Variants in ANAPC10 observed in about 807,000 individuals in gnomAD.
ANAPC10 encodes the protein anaphase promoting complex subunit 10.
A neutral mutation model predicts 22.0 loss-of-function variants in ANAPC10; 12 were observed. The ratio of observed to expected loss-of-function variants is 0.55; its 90% confidence interval spans 0.35 to 0.88. The LOEUF is 0.88. ANAPC10 is among the 40% of genes least tolerant of loss of function. The pLI, the probability that ANAPC10 is intolerant of heterozygous loss-of-function variation, is 0.01. For synonymous variants in ANAPC10, 65 were observed against 69.5 expected, an observed-to-expected ratio of 0.94 and a Z score of 0.32; for missense variants, 188 against 220.9, an observed-to-expected ratio of 0.85 and a Z score of 0.94.
At chr4:145,086,929 T>C in intron 2 of ANAPC10, among the ~76,000 whole-genome samples, 1 of 151,916 alleles carries the variant, frequency 6.6e-6, no homozygotes, top group South Asian at 2.1e-4. Flanking sequence ...TTCATGCTTC[T>C]CTCCCCACTC....
At chr4:145,022,809 A>G (rs1000231196) in intron 4 of ANAPC10, among the ~76,000 whole-genome samples, 8 of 151,962 alleles carry the variant, frequency 5.3e-5, no homozygotes, top group Non-Finnish European at 7.4e-5. Context: ...AAAAAAAAAA[A>G]AAAATTAAAA....
chr4:145,062,868 G>A (rs975965569), intron 4 of ANAPC10, among the ~76,000 whole-genome samples: 2 of 152,142 alleles, frequency 1.3e-5, no homozygotes, highest in East Asian at 1.9e-4. Context: ...TTGCAGCAGC[G>A]TGGATGGAAC....
chr4:145,008,991 T>A (rs951210946), intron 4 of ANAPC10, among the ~76,000 whole-genome samples: 6 of 152,058 alleles, frequency 3.9e-5, no homozygotes, highest in Middle Eastern at 3.4e-3. Flanking sequence ...TTCAGCAGAG[T>A]CTCAGGATAC....
Position 144,995,603 on chromosome 4 carries a change from GCTGCC to G in ANAPC10, c.328-5_328-1del, listed in dbSNP as rs1420463732. On this transcript the variant is annotated splice_acceptor_variant and splice_polypyrimidine_tract_variant and intron_variant, in intron 4 of 4. Coordinates refer to ENST00000507656, the MANE Select transcript of ANAPC10 (RefSeq NM_001256706.2). LOFTEE classifies it high-confidence loss of function. Reference sequence around the variant, plus strand: ...CCACTTGGTTCCACCAACTCAAGTTGCTGCCAAGGGAAAAAAAATCAGATTATGCT... The same window carrying G: ...CCACTTGGTTCCACCAACTCAAGTTGAAGGGAAAAAAAATCAGATTATGCT... The G allele has an allele frequency of 6.3e-7, 1 of 1,595,934 alleles. No homozygotes were observed. The highest frequency in any genetic ancestry group is 1.1e-5 in the South Asian group (1 of 87,376).
At chr4:145,064,865 G>A (rs1279195260) in intron 3 of ANAPC10, among the ~76,000 whole-genome samples, 173 bp from the exon 4 acceptor site, 2 of 151,846 alleles carry the variant, frequency 1.3e-5, no homozygotes, top group Admixed American at 6.6e-5. Flanking sequence ...GGTCCAGATA[G>A]TATGTTAAAT....
intron 4 of ANAPC10, among the ~76,000 whole-genome samples, chr4:145,004,242 G>C (rs1304033643): frequency 6.6e-6 from 1 of 152,098 alleles, no homozygotes; most frequent in Non-Finnish European, 1.5e-5. Context: ...CTTTGGGGCA[G>C]AGTAACTATG....
rs571149256 is a variant in ANAPC10 at position 145,094,634 on chromosome 4, A to G, written c.115+1351T>C. ...ATGACTACTAAACTAATAACATTAT[A>G]AAGTCCCTCAAGCTAAAGAAATTTC... On this transcript the variant is annotated intron_variant, in intron 2 of 4. Coordinates refer to ENST00000507656, the MANE Select transcript of ANAPC10 (RefSeq NM_001256706.2). Among the ~76,000 whole-genome samples, 6 of 152,334 alleles carry G rather than the reference A, an allele frequency of 3.9e-5. No individual in the cohort carries two copies. The East Asian group carries it at 1.2e-3, about 29-fold the overall frequency.
intron 4 of ANAPC10, among the ~76,000 whole-genome samples, chr4:145,016,124 A>T (rs552891805): frequency 8.5e-4 from 130 of 152,328 alleles, no homozygotes; most frequent in African/African-American, 3.0e-3. Flanking sequence ...GGCCAGGGCA[A>T]TCAGGCAGGA....
intron 3 of ANAPC10, among the ~76,000 whole-genome samples, chr4:145,078,447 T>C (rs762285047): frequency 9.9e-5 from 15 of 151,960 alleles, no homozygotes; most frequent in African/African-American, 3.6e-4. Flanking sequence ...AAAATGGTCA[T>C]AACTGCCCAA....
chr4:145,068,942 T>C (rs1223425989), intron 3 of ANAPC10, among the ~76,000 whole-genome samples: 1 of 152,156 alleles, frequency 6.6e-6, no homozygotes, highest in Non-Finnish European at 1.5e-5. Context: ...TCTGTATCAA[T>C]GTTAACTAGA....
chr4:145,094,108 A>C (rs565109828), intron 2 of ANAPC10, among the ~76,000 whole-genome samples: 1 of 152,328 alleles, frequency 6.6e-6, no homozygotes, highest in Admixed American at 6.5e-5. Flanking sequence ...GCTACTACTA[A>C]TCTGGTGAAT....
In ANAPC10 at chr4:144,995,235, C is replaced by T. The variant is rs1731441429; in HGVS notation, c.*138G>A. 2.0e-6 allele frequency: 1 copy of T among 494,606 alleles called. No individual in the cohort carries two copies. The highest frequency in any genetic ancestry group is 2.0e-5 in the African/African-American group (1 of 50,502). The allele number at this position is 494,606 out of a possible 1,614,324, so 30.6% of individuals were successfully genotyped here. A position where few individuals can be genotyped will look rare whatever the true frequency, so the allele number is the denominator to read the frequency against. ...ATAATATGACCCCAAATTTATTTGT[C>T]AAAGTTACAATAAAATATTTTTAAA... is the stretch of plus-strand genomic sequence containing the variant. On this transcript the variant is annotated 3_prime_UTR_variant, in exon 5 of 5. Coordinates refer to ENST00000507656, the MANE Select transcript of ANAPC10 (RefSeq NM_001256706.2).
At chr4:145,091,664 G>A (rs973414797) in intron 2 of ANAPC10, among the ~76,000 whole-genome samples, 2 of 152,084 alleles carry the variant, frequency 1.3e-5, no homozygotes, top group African/African-American at 2.4e-5. Flanking sequence ...ACATACATGT[G>A]CATGTATCTT....
intron 4 of ANAPC10, among the ~76,000 whole-genome samples, chr4:145,026,920 C>CATATATATATAT (rs150548781): frequency 1.2e-4 from 2 of 17,040 alleles, no homozygotes; most frequent in Non-Finnish European, 1.5e-4. Flanking sequence ...CCTATACATA[C>CATATATATATAT]ATATATATAT....
chr4:145,025,482 G>A (rs1347399421), intron 4 of ANAPC10, among the ~76,000 whole-genome samples: 1 of 151,978 alleles, frequency 6.6e-6, no homozygotes. Flanking sequence ...CAATAAGGAG[G>A]CCCAAGGAGA....
rs2126814759 is a variant in ANAPC10, at chr4:144,995,281, AC to A, written c.*91del. ...TTAAACATATACAAAATTAGATATA[AC>A]GGATGCCTTGTTCAATAAAGGTACA... On this transcript the variant is annotated 3_prime_UTR_variant, in exon 5 of 5. Coordinates refer to ENST00000507656, the MANE Select transcript of ANAPC10 (RefSeq NM_001256706.2). 1 of 711,846 alleles carries A rather than the reference AC, an allele frequency of 1.4e-6. No individual in the cohort carries two copies. The highest frequency in any genetic ancestry group is 2.7e-5 in the South Asian group (1 of 36,446). The allele number at this position is 711,846 out of a possible 1,614,324, so 44.1% of individuals were successfully genotyped here.
chr4:145,076,619 A>G (rs1356464554), intron 3 of ANAPC10, among the ~76,000 whole-genome samples: 2 of 152,226 alleles, frequency 1.3e-5, no homozygotes, highest in African/African-American at 4.8e-5. Context: ...AATGACAGAC[A>G]TTTGGAATTC....
intron 4 of ANAPC10, among the ~76,000 whole-genome samples, chr4:145,062,193 TAC>T (rs923779294): frequency 1.3e-5 from 2 of 152,160 alleles, no homozygotes; most frequent in African/African-American, 4.8e-5. Context: ...GCACAGGAAG[TAC>T]ACATCAACCA....
chr4:145,093,311 CAA>C (rs1316606105), intron 2 of ANAPC10, among the ~76,000 whole-genome samples: 1 of 152,086 alleles, frequency 6.6e-6, no homozygotes, highest in Non-Finnish European at 1.5e-5. Flanking sequence ...TAACAAAACT[CAA>C]ACTCAGCTCA....
Sources: allele counts gnomAD v4.1 joint callset (sites outside exome capture counted in the v4.1 genomes callset), GRCh38; gene constraint gnomAD v4.1.1; transcripts MANE v1.5; gene names NCBI Gene and HGNC (gene_info 2026-07-23, HGNC 2026-07-21).